The following KIAA1549 variants were observed in gnomAD, a reference collection of about 807,000 sequenced individuals.
The protein encoded by KIAA1549 is UPF0606 protein KIAA1549.
Under a neutral mutation model 156.4 loss-of-function variants are expected in KIAA1549, and 70 were observed. The ratio of observed to expected loss-of-function variants is 0.45; its 90% CI spans 0.37 to 0.55. KIAA1549 has a LOEUF of 0.55. Among genes scored for constraint, KIAA1549 ranks in the 20% least tolerant of loss-of-function variants. The pLI is 0.00. For missense variants in KIAA1549, 2,428 were observed against 2,540.9 expected (o/e 0.96, Z 0.96); for synonymous variants, 1,103 against 1,066.4 (o/e 1.03, Z -0.67).
At chr7:138,865,845 A>G (rs1230332778) in intron 15 of KIAA1549, among the ~76,000 whole-genome samples, 2 of 152,182 alleles carry the variant, frequency 1.3e-5, no homozygotes, top group Non-Finnish European at 2.9e-5. Context: ...AATCAAAGAG[A>G]GGGGGACTGA....
At chr7:138,871,069 GGCCCCC>G (rs1252575744) in intron 13 of KIAA1549, 82 bp downstream of exon 13, 1 of 1,249,456 alleles carries the variant, frequency 8.0e-7, no homozygotes, top group East Asian at 2.5e-5. Flanking sequence ...TGCCTGCCTT[GGCCCCC>G]CCAAGTGCTG....
intron 10 of KIAA1549, among the ~76,000 whole-genome samples, chr7:138,881,822 C>G (rs1034412425): frequency 2.6e-5 from 4 of 152,190 alleles, no homozygotes; most frequent in African/African-American, 9.7e-5. Context: ...TAGGACAACA[C>G]CTGACCTGCT....
At position 138,871,144 on chromosome 7, in the gene KIAA1549, T is replaced by C. The variant is rs754566952; in HGVS notation, c.4551+13A>G. On this transcript the variant is annotated intron_variant, in intron 13 of 19. Coordinates refer to ENST00000422774, the MANE Select transcript of KIAA1549 (RefSeq NM_001164665.2). ...GTTTTTTAAGTAACAGACTTTTAAA[T>C]AAAAGCAAATACCTCTTTGTTGATT... 1 of 1,608,358 alleles carries C rather than the reference T, an allele frequency of 6.2e-7. No homozygotes were observed. The highest frequency in any genetic ancestry group is 8.5e-7 in the Non-Finnish European group (1 of 1,179,526).
At chr7:138,867,490 G>A (rs1283399679) in intron 15 of KIAA1549, among the ~76,000 whole-genome samples, 1 of 151,842 alleles carries the variant, frequency 6.6e-6, no homozygotes, top group Non-Finnish European at 1.5e-5. Flanking sequence ...AGGAGGCTGA[G>A]GCTACAGTGA....
chr7:138,923,023 G>C (rs1444001923), intron 1 of KIAA1549, among the ~76,000 whole-genome samples: 1 of 152,056 alleles, frequency 6.6e-6, no homozygotes, highest in Non-Finnish European at 1.5e-5. Flanking sequence ...AAGAGAAATT[G>C]TAAAAGCAGT....
chr7:138,852,650 C>G (rs1213783291), intron 16 of KIAA1549, among the ~76,000 whole-genome samples: 1 of 152,198 alleles, frequency 6.6e-6, no homozygotes, highest in Non-Finnish European at 1.5e-5. Flanking sequence ...CCTGAATGCC[C>G]ACAATTAGCA....
At chr7:138,896,680 G>T (rs972577355) in intron 9 of KIAA1549, among the ~76,000 whole-genome samples, 1 of 151,262 alleles carries the variant, frequency 6.6e-6, no homozygotes, top group East Asian at 1.9e-4. Context: ...TTGCAGCCGC[G>T]ACCTCCTGGG....
At chr7:138,874,030 G>C (rs190899123) in intron 12 of KIAA1549, among the ~76,000 whole-genome samples, 1,792 of 146,912 alleles carry the variant, frequency 0.012, 36 homozygotes, top group African/African-American at 0.043. Context: ...TATATAATTA[G>C]TAATTAGTAA....
At chr7:138,886,802 C>G (rs1249471437) in intron 10 of KIAA1549, among the ~76,000 whole-genome samples, 1 of 152,174 alleles carries the variant, frequency 6.6e-6, no homozygotes, top group African/African-American at 2.4e-5. Context: ...AGCCCCTCAG[C>G]CTTTTGCAAA....
At chr7:138,881,655 T>A in intron 10 of KIAA1549, 71 bp from the exon 11 acceptor site, 1 of 1,371,984 alleles carries the variant, frequency 7.3e-7, no homozygotes, top group East Asian at 2.4e-5. Flanking sequence ...GCACAACTTC[T>A]GACCCAAGAC....
Position 138,917,394 on chromosome 7 carries a change from A to T in KIAA1549, c.2232T>A (p.Phe744Leu), listed in dbSNP as rs1246669138. The change falls in exon 2 of 20, where the codon TTT (phenylalanine) becomes TTA (leucine). Residue 744 changes from phenylalanine to leucine, a missense_variant. Phe to Leu is a conservative substitution (Grantham distance 22). Coordinates refer to ENST00000422774, the MANE Select transcript of KIAA1549 (RefSeq NM_001164665.2). ...TVSLTDSEAH[F>L]TSAFIETTSY... ...AGGTAGTTTCAATGAAAGCTGAGGT[A>T]AAATGAGCTTCTGAATCCGTCAGTG... 1 of 1,613,982 alleles carries T rather than the reference A, an allele frequency of 6.2e-7. No individual in the cohort carries two copies. The highest frequency in any genetic ancestry group is 1.3e-5 in the African/African-American group (1 of 75,050).
chr7:138,879,438 T>A, intron 12 of KIAA1549, 100 bp downstream of exon 12: 1 of 672,156 alleles, frequency 1.5e-6, no homozygotes, highest in Non-Finnish European at 2.5e-6. Context: ...TTTCCCAGAT[T>A]TCTTTTTTAA....
At chr7:138,906,895 C>T in intron 6 of KIAA1549, 24 bp downstream of exon 6, 1 of 1,426,214 alleles carries the variant, frequency 7.0e-7, no homozygotes, top group South Asian at 1.7e-5. Context: ...ACCTCCCCAG[C>T]ATGTCCAAGA....
rs775460744 is a variant in KIAA1549, at chr7:138,918,172, A to G, written c.1454T>C (p.Phe485Ser). The change falls in exon 2 of 20, where the codon TTC becomes TCC. Residue 485 changes from phenylalanine to serine, a missense_variant. Phe to Ser is a radical substitution (Grantham distance 155). Transcript: ENST00000422774. The surrounding 1 kb of genome is among the most constrained non-coding windows in gnomAD (Gnocchi z 4.2). Reference protein sequence around the residue: ...EEDPQVFNTLFPSRPIVPLSS... With the variant: ...EEDPQVFNTLSPSRPIVPLSS... ...AAGTGGGACGATAGGTCTGGAGGGG[A>G]AAAGCGTATTAAATACTTGAGGATC... The G allele has an allele frequency of 3.7e-6, 6 of 1,613,822 alleles. No homozygotes were observed. The African/African-American group carries it at 8.0e-5, about 22-fold the overall frequency.
intron 1 of KIAA1549, among the ~76,000 whole-genome samples, chr7:138,927,189 A>G (rs768415494): frequency 3.9e-5 from 6 of 152,186 alleles, no homozygotes; most frequent in Non-Finnish European, 8.8e-5. Context: ...ATATGAATAG[A>G]CCAAAATTTA....
chr7:138,917,594 G>A lies in KIAA1549; in HGVS notation c.2032C>T (p.Leu678=). 6.2e-7 allele frequency: 1 copy of A among 1,613,922 alleles called. No individual in the cohort carries two copies. The highest frequency in any genetic ancestry group is 8.5e-7 in the Non-Finnish European group (1 of 1,179,890). The change falls in exon 2 of 20, where the codon CTG becomes TTG. Residue 678 remains leucine, a synonymous_variant. Transcript: ENST00000422774. ...GGAAGAGACAGCTGAGATGACTGCA[G>A]ATCACTAGAGTCAAACAATGTAAAT... ...ETFTLFDSSD[L]QSSQLSLPSS...
chr7:138,863,890 G>A (rs1810659752), intron 15 of KIAA1549, among the ~76,000 whole-genome samples: 1 of 152,174 alleles, frequency 6.6e-6, no homozygotes, highest in Non-Finnish European at 1.5e-5. Flanking sequence ...GGGGCCCCAA[G>A]GTGGCCTCTA....
In KIAA1549 at chr7:138,867,234, A is replaced by G. The variant is rs142097477; in HGVS notation, c.4929+741T>C. Among the ~76,000 whole-genome samples, 103 of 152,310 alleles carry G rather than the reference A, an allele frequency of 6.8e-4. 1 individual carries two copies. The highest frequency in any genetic ancestry group is 4.4e-3 in the Admixed American group (67 of 15,302). ...TATCCCTCCTCTCATTAGGAAACCCAGCCAGGCTAGCTCAGTCAGTAGAGT... is the reference window on the plus strand; with the variant it reads ...TATCCCTCCTCTCATTAGGAAACCCGGCCAGGCTAGCTCAGTCAGTAGAGT... On this transcript the variant is annotated intron_variant, in intron 15 of 19. Coordinates refer to ENST00000422774, the MANE Select transcript of KIAA1549 (RefSeq NM_001164665.2).
intron 1 of KIAA1549, among the ~76,000 whole-genome samples, chr7:138,948,067 G>A (rs996922357): frequency 1.1e-4 from 16 of 151,988 alleles, no homozygotes; most frequent in African/African-American, 3.9e-4. Context: ...CCGGCCTCAG[G>A]GACCAGCTTC....
Sources: allele counts gnomAD v4.1 joint callset (sites outside exome capture counted in the v4.1 genomes callset), GRCh38; gene constraint gnomAD v4.1.1; non-coding constraint Gnocchi (gnomAD v3.1); transcripts MANE v1.5; gene names NCBI Gene and HGNC (gene_info 2026-07-23, HGNC 2026-07-21).